The following ANO10 variants were observed in gnomAD, a reference collection of about 807,000 sequenced individuals.
ANO10 encodes anoctamin 10, also known as anoctamin-10.
In ANO10, 77 loss-of-function variants were observed where a neutral mutation model predicts 74.7. The observed-to-expected ratio is 1.03, with a 90% confidence interval of 0.86 to 1.25. ANO10 has a LOEUF of 1.25. Among genes scored for constraint, ANO10 ranks in the 50% most tolerant of loss-of-function variants. The pLI is 0.00. For synonymous variants in ANO10, 279 were observed against 284.9 expected, an observed-to-expected ratio of 0.98 and a Z score of 0.21; for missense variants, 721 against 778.1, an observed-to-expected ratio of 0.93 and a Z score of 0.87.
intron 8 of ANO10, among the ~76,000 whole-genome samples, chr3:43,563,882 C>T (rs534012662): frequency 3.4e-4 from 51 of 152,074 alleles, no homozygotes; most frequent in Non-Finnish European, 5.0e-4. Flanking sequence ...TAAAGAGAAG[C>T]TGATCGAGAG....
rs190304723 is a variant in ANO10 at position 43,556,764 on chromosome 3, C to T, written c.1477-1295G>A. ...TTATTTACTAAAAACACGGAACAAA[C>T]ATAACACACAATGGTGAGAAGATAA... is the stretch of plus-strand genomic sequence containing the variant. On this transcript the variant is annotated intron_variant, in intron 9 of 12. Coordinates refer to ENST00000292246, the MANE Select transcript of ANO10 (RefSeq NM_018075.5). 4.7e-3 allele frequency among the ~76,000 whole-genome samples: 715 copies of T among 152,142 alleles called. 5 individuals carry two copies. Among genetic ancestry groups the T allele is most frequent in the African/African-American group, 0.017 (688 of 41,512 alleles).
intron 1 of ANO10, among the ~76,000 whole-genome samples, chr3:43,661,010 C>T (rs538952207): frequency 6.6e-6 from 1 of 152,170 alleles, no homozygotes; most frequent in Non-Finnish European, 1.5e-5. Context: ...ACTTCCCCAA[C>T]CTAGCAAGGC....
At chr3:43,678,245 G>T in intron 1 of ANO10, among the ~76,000 whole-genome samples, 1 of 152,126 alleles carries the variant, frequency 6.6e-6, no homozygotes, top group East Asian at 1.9e-4. Context: ...GTAAAAAACA[G>T]AATGGCTGTA....
At chr3:43,676,222 G>GGCGA (rs1034578784) in intron 1 of ANO10, among the ~76,000 whole-genome samples, 4 of 152,120 alleles carry the variant, frequency 2.6e-5, no homozygotes, top group Non-Finnish European at 5.9e-5. Context: ...TGCTTTGGGA[G>GGCGA]GCGAGGTGAG....
At chr3:43,383,163 A>G (rs1242017499) in intron 12 of ANO10, among the ~76,000 whole-genome samples, 1 of 152,142 alleles carries the variant, frequency 6.6e-6, no homozygotes, top group East Asian at 1.9e-4. Context: ...TATCAAAAAG[A>G]TAATCCATGG....
At chr3:43,449,996 C>T (rs1182671879) in intron 11 of ANO10, among the ~76,000 whole-genome samples, 2 of 152,100 alleles carry the variant, frequency 1.3e-5, no homozygotes, top group East Asian at 3.9e-4. Flanking sequence ...TATATTTGTA[C>T]ATTTCTTTTT....
intron 12 of ANO10, among the ~76,000 whole-genome samples, chr3:43,394,544 T>C (rs2092341288): frequency 6.6e-6 from 1 of 152,196 alleles, no homozygotes; most frequent in Non-Finnish European, 1.5e-5. Context: ...AGATCTTCTC[T>C]TCCAGTAAGA....
intron 1 of ANO10, 115 bp from the exon 2 acceptor site, chr3:43,605,978 A>AAC: frequency 8.6e-7 from 1 of 1,162,682 alleles, no homozygotes; most frequent in Non-Finnish European, 1.2e-6. Flanking sequence ...AGATAAAAGC[A>AAC]AATTTCTCGT....
At chr3:43,615,491 T>C (rs1164631355) in intron 1 of ANO10, among the ~76,000 whole-genome samples, 1 of 152,170 alleles carries the variant, frequency 6.6e-6, no homozygotes, top group African/African-American at 2.4e-5. Context: ...TATTTACTTT[T>C]TTTAATTTGA....
chr3:43,542,146 G>A (rs1559672136), intron 11 of ANO10, among the ~76,000 whole-genome samples: 1 of 152,138 alleles, frequency 6.6e-6, no homozygotes, highest in Non-Finnish European at 1.5e-5. Flanking sequence ...TTAAATAAGG[G>A]AATTGTATGG....
chr3:43,582,452 A>G (rs2081305287), intron 4 of ANO10, among the ~76,000 whole-genome samples: 1 of 152,210 alleles, frequency 6.6e-6, no homozygotes, highest in South Asian at 2.1e-4. Context: ...GTCTCAAAAA[A>G]AAAAAGAAAC....
rs555336921 is a variant in ANO10, at chr3:43,456,068, G to A, written c.1798-23341C>T. 4.4e-4 allele frequency among the ~76,000 whole-genome samples: 67 copies of A among 152,236 alleles called. No homozygotes were observed. In the South Asian group the frequency reaches 6.6e-3, roughly 15 times the overall value. ...AATTTCTTTAAATAGAAATTGACAT[G>A]CTACATTTGCCTACTCCTCAAATAA... is the stretch of plus-strand genomic sequence containing the variant. On this transcript the variant is annotated intron_variant, in intron 11 of 12. Coordinates refer to ENST00000292246, the MANE Select transcript of ANO10 (RefSeq NM_018075.5).
rs1478707496 is a variant in ANO10, at chr3:43,366,910, G to C, written c.1979C>G (p.Thr660Ser). 1.3e-6 allele frequency: 2 copies of C among 1,590,490 alleles called. No individual in the cohort carries two copies. Among genetic ancestry groups the C allele is most frequent in the Non-Finnish European group, 1.7e-6 (2 of 1,168,284 alleles). The change falls in exon 13 of 13, where the codon ACC (threonine) becomes AGC (serine). Residue 660 changes from threonine (T) to serine (S), a missense_variant. Transcript: ENST00000292246. ...EPMESGKEKA[T>S] The stretch of plus-strand genomic sequence containing the variant: ...GCAGCTGGGCACGCTGGGCACTCAG[G>C]TTGCCTTCTCCTTCCCGCTTTCCAT...
At chr3:43,640,887 T>G (rs2083664678) in intron 1 of ANO10, among the ~76,000 whole-genome samples, 1 of 152,172 alleles carries the variant, frequency 6.6e-6, no homozygotes, top group Admixed American at 6.5e-5. Flanking sequence ...AAACAGAGAA[T>G]TTAATGTGTT....
chr3:43,468,877 A>C (rs1181338670), intron 11 of ANO10, among the ~76,000 whole-genome samples: 1 of 150,990 alleles, frequency 6.6e-6, no homozygotes, highest in African/African-American at 2.4e-5. Flanking sequence ...AGGCTGGCTA[A>C]GTTTTTGTAC....
At chr3:43,402,892 T>C (rs1367874638) in intron 12 of ANO10, among the ~76,000 whole-genome samples, 1 of 152,188 alleles carries the variant, frequency 6.6e-6, no homozygotes, top group African/African-American at 2.4e-5. Flanking sequence ...CTGTTAAGGA[T>C]TTCAGCTCTG....
At chr3:43,649,333 G>T (rs9872385) in intron 1 of ANO10, among the ~76,000 whole-genome samples, 2 of 152,060 alleles carry the variant, frequency 1.3e-5, no homozygotes, top group Non-Finnish European at 2.9e-5. Flanking sequence ...TTATATTAAC[G>T]TAAGTACAAA....
chr3:43,547,200 A>G (rs1425623476), intron 11 of ANO10, among the ~76,000 whole-genome samples: 1 of 152,210 alleles, frequency 6.6e-6, no homozygotes, highest in Non-Finnish European at 1.5e-5. Flanking sequence ...CAGCAAAACT[A>G]TACTTAAGAA....
chr3:43,368,095 T>C (rs2091473556), intron 12 of ANO10, among the ~76,000 whole-genome samples: 1 of 152,204 alleles, frequency 6.6e-6, no homozygotes, highest in Non-Finnish European at 1.5e-5. Context: ...CTCCTGACCA[T>C]TCTCATGTTT....
Sources: allele counts gnomAD v4.1 joint callset (sites outside exome capture counted in the v4.1 genomes callset), GRCh38; gene constraint gnomAD v4.1.1; transcripts MANE v1.5; gene names NCBI Gene and HGNC (gene_info 2026-07-23, HGNC 2026-07-21).